CEP83: variants seen among roughly 807,000 people sequenced by gnomAD.
The protein encoded by CEP83 is centrosomal protein of 83 kDa.
CEP83 carries 70 observed loss-of-function variants against 101.9 expected under a neutral mutation model. The ratio of observed to expected loss-of-function variants is 0.69; its 90% confidence interval spans 0.57 to 0.84. CEP83 has a LOEUF of 0.84. CEP83 is among the 40% of genes least tolerant of loss of function. The pLI is 0.00. For missense variants in CEP83, 715 were observed against 787.2 expected, an observed-to-expected ratio of 0.91 and a Z score of 1.10; for synonymous variants, 264 against 267.9, an observed-to-expected ratio of 0.99 and a Z score of 0.14.
At chr12:94,446,348 G>A (rs2066800285) in intron 1 of CEP83, among the ~76,000 whole-genome samples, 2 of 152,134 alleles carry the variant, frequency 1.3e-5, no homozygotes. Context: ...TTATCAATTA[G>A]TCTAGGGTAA....
chr12:94,281,204 G>A, the CEP83 span, among the ~76,000 whole-genome samples: 127 of 152,254 alleles, frequency 8.3e-4, no homozygotes, highest in African/African-American at 2.9e-3. Flanking sequence ...GCTTGAACCC[G>A]GGAGGCAGAG....
intron 11 of CEP83, among the ~76,000 whole-genome samples, chr12:94,337,309 A>G (rs2059490668): frequency 1.3e-5 from 2 of 152,340 alleles, no homozygotes; most frequent in African/African-American, 4.8e-5. Context: ...TAAGAGCACC[A>G]TTGTGGTAGA....
At chr12:94,296,000 C>T in the CEP83 span, among the ~76,000 whole-genome samples, 12 of 152,282 alleles carry the variant, frequency 7.9e-5, no homozygotes, top group Admixed American at 7.8e-4. Context: ...GTAGGCTGAC[C>T]TTCTTCCATT....
At chr12:94,313,096 A>T (rs1970120405) in intron 14 of CEP83, 79 bp from the exon 15 acceptor site, 3 of 625,508 alleles carry the variant, frequency 4.8e-6, no homozygotes, top group Non-Finnish European at 8.0e-6. Flanking sequence ...TATTTTACTC[A>T]CCAAAAACTG....
intron 7 of CEP83, 151 bp from the exon 8 acceptor site, chr12:94,376,168 A>G (rs1054723478): frequency 1.1e-5 from 5 of 434,898 alleles, no homozygotes; most frequent in Non-Finnish European, 1.5e-5. Context: ...TTCTCAAACT[A>G]ATTGGCAGAA....
At chr12:94,316,389 G>A (rs1188181001) in intron 14 of CEP83, among the ~76,000 whole-genome samples, 1 of 149,588 alleles carries the variant, frequency 6.7e-6, no homozygotes, top group Non-Finnish European at 1.5e-5. Flanking sequence ...TTTTATGCAT[G>A]CACAGTGACA....
At chr12:94,305,349 T>A (rs2136242798), downstream of CEP83, 1 of 897,050 alleles carries the variant, frequency 1.1e-6, no homozygotes, top group East Asian at 2.6e-5. Context: ...AAATGGCTGC[T>A]TGAGCTACTC....
chr12:94,402,981 C>T, intron 5 of CEP83, 189 bp downstream of exon 5: 1 of 390,872 alleles, frequency 2.6e-6, no homozygotes, highest in Non-Finnish European at 4.5e-6. Flanking sequence ...CATCAGTAGG[C>T]CAATGTGGAA....
the CEP83 span, among the ~76,000 whole-genome samples, chr12:94,288,239 T>C: frequency 6.6e-6 from 1 of 152,200 alleles, no homozygotes; most frequent in African/African-American, 2.4e-5. Flanking sequence ...TCAAAATGCT[T>C]CCCTACTTCT....
chr12:94,350,807 A>C (rs2060164830), intron 11 of CEP83, among the ~76,000 whole-genome samples: 1 of 152,168 alleles, frequency 6.6e-6, no homozygotes, highest in Non-Finnish European at 1.5e-5. Context: ...TAAATGGACA[A>C]AAAACTTGAC....
At chr12:94,413,630 C>G (rs1184571682) in intron 2 of CEP83, among the ~76,000 whole-genome samples, 2 of 152,070 alleles carry the variant, frequency 1.3e-5, no homozygotes, top group Non-Finnish European at 2.9e-5. Flanking sequence ...TTGATCAACT[C>G]CTATGTGTTA....
chr12:94,375,814 TTAAAAA>T, intron 8 of CEP83, 66 bp downstream of exon 8: 2 of 819,114 alleles, frequency 2.4e-6, no homozygotes, highest in Non-Finnish European at 3.5e-6. Flanking sequence ...AAATCAATTA[TTAAAAA>T]TAAAATTTAT....
chr12:94,371,419 A>G (rs2061304103), intron 8 of CEP83, among the ~76,000 whole-genome samples: 1 of 152,200 alleles, frequency 6.6e-6, no homozygotes, highest in East Asian at 1.9e-4. Context: ...GGGCAGGAAC[A>G]AGTATAAATC....
intron 14 of CEP83, among the ~76,000 whole-genome samples, chr12:94,326,202 G>C: frequency 6.6e-6 from 1 of 152,172 alleles, no homozygotes; most frequent in East Asian, 1.9e-4. Flanking sequence ...CACACAGAGA[G>C]GGCATGGAGG....
chr12:94,378,359 G>C (rs968915146), intron 7 of CEP83, among the ~76,000 whole-genome samples: 1 of 152,092 alleles, frequency 6.6e-6, no homozygotes, highest in Non-Finnish European at 1.5e-5. Flanking sequence ...AGAAGCTGTC[G>C]TAAGATACAT....
At chr12:94,395,370 A>G (rs994807405) in intron 6 of CEP83, among the ~76,000 whole-genome samples, 5 of 67,348 alleles carry the variant, frequency 7.4e-5, no homozygotes, top group Non-Finnish European at 1.4e-4. Flanking sequence ...GTAACAAATT[A>G]AAAAAAAAAA....
chr12:94,393,366 G>A (rs945563740), intron 6 of CEP83, among the ~76,000 whole-genome samples: 19 of 152,194 alleles, frequency 1.2e-4, no homozygotes, highest in African/African-American at 4.6e-4. Flanking sequence ...CAGAACCAAA[G>A]ACAAAAACCA....
At chr12:94,277,968 G>A in the CEP83 span, 10 of 455,976 alleles carry the variant, frequency 2.2e-5, no homozygotes, top group Non-Finnish European at 3.1e-5. Context: ...TGAGCCCTAG[G>A]CAAATCAGAC....
intron 3 of CEP83, 41 bp from the exon 4 acceptor site, chr12:94,411,888 T>G: frequency 6.7e-7 from 1 of 1,488,598 alleles, no homozygotes; most frequent in Admixed American, 1.8e-5. Flanking sequence ...AGTAAATCCT[T>G]TCTTTCTAAT....
Sources: gnomAD v4.1 joint callset for allele counts (sites outside exome capture counted in the v4.1 genomes callset) on GRCh38, gnomAD v4.1.1 for gene constraint, MANE v1.5 for transcripts, NCBI Gene and HGNC (gene_info 2026-07-23, HGNC 2026-07-21) for gene names.